Variants in PITPNC1 observed in about 807,000 individuals in gnomAD.
PITPNC1 encodes phosphatidylinositol transfer protein cytoplasmic 1.
PITPNC1 carries 18 observed loss-of-function variants against 44.7 expected under a neutral mutation model. That is an observed-to-expected ratio of 0.40 (90% CI 0.28 to 0.60). The LOEUF (loss-of-function observed/expected upper bound fraction) is 0.60, where lower values mean the gene tolerates loss of function less well. Among genes scored for constraint, PITPNC1 ranks in the 20% least tolerant of loss-of-function variants. PITPNC1 has a pLI of 0.39. For missense variants in PITPNC1, 290 were observed against 418.4 expected, an observed-to-expected ratio of 0.69 and a Z score of 2.68; for synonymous variants, 141 against 149.6, an observed-to-expected ratio of 0.94 and a Z score of 0.42.
At chr17:67,546,380 A>C (rs1324826788) in intron 2 of PITPNC1, among the ~76,000 whole-genome samples, 5 of 152,026 alleles carry the variant, frequency 3.3e-5, no homozygotes, top group Admixed American at 6.6e-5. Context: ...CCAACCTTTC[A>C]GTCCATGCTA....
At chr17:67,586,903 T>G (rs2041325751) in intron 5 of PITPNC1, among the ~76,000 whole-genome samples, 2 of 152,090 alleles carry the variant, frequency 1.3e-5, no homozygotes, top group South Asian at 4.1e-4. Flanking sequence ...CAGACCAAGA[T>G]GGTGGTTTGA....
chr17:67,456,100 C>T (rs926163075), intron 1 of PITPNC1, among the ~76,000 whole-genome samples: 15 of 152,160 alleles, frequency 9.9e-5, no homozygotes, highest in African/African-American at 3.1e-4. Context: ...GAAACTGGCT[C>T]AAAAACTTTA....
At chr17:67,426,808 C>G (rs2038773709) in intron 1 of PITPNC1, among the ~76,000 whole-genome samples, 1 of 151,726 alleles carries the variant, frequency 6.6e-6, no homozygotes, top group Admixed American at 6.6e-5. Flanking sequence ...TTTTTAAAAA[C>G]TTATTTAATT....
At chr17:67,577,072 G>A (rs533484383) in intron 4 of PITPNC1, among the ~76,000 whole-genome samples, 46 of 151,392 alleles carry the variant, frequency 3.0e-4, no homozygotes, top group Non-Finnish European at 5.7e-4. Flanking sequence ...GCATAAGGCC[G>A]GGAATTTGAG....
At chr17:67,685,423 T>A (rs1433713557) in intron 8 of PITPNC1, among the ~76,000 whole-genome samples, 1 of 152,218 alleles carries the variant, frequency 6.6e-6, no homozygotes, top group East Asian at 1.9e-4. Flanking sequence ...GTGAATTAAA[T>A]CATAAACTCC....
chr17:67,397,480 CTT>C (rs2038237524), intron 1 of PITPNC1, among the ~76,000 whole-genome samples: 1 of 152,182 alleles, frequency 6.6e-6, no homozygotes, highest in African/African-American at 2.4e-5. Flanking sequence ...CCACACCTCT[CTT>C]TTTGAGAAAA....
chr17:67,484,811 G>A (rs2949924), intron 1 of PITPNC1, among the ~76,000 whole-genome samples: 3,322 of 152,112 alleles, frequency 0.022, 119 homozygotes, highest in East Asian at 0.12. Context: ...GATGGTGTGT[G>A]CCTGTAATAT....
chr17:67,641,433 C>T (rs2042091222), intron 6 of PITPNC1, among the ~76,000 whole-genome samples: 1 of 152,172 alleles, frequency 6.6e-6, no homozygotes, highest in African/African-American at 2.4e-5. Flanking sequence ...CATTATTTCA[C>T]TAACCACATA....
chr17:67,415,055 T>G (rs987982250), intron 1 of PITPNC1, among the ~76,000 whole-genome samples: 1 of 152,094 alleles, frequency 6.6e-6, no homozygotes, highest in Non-Finnish European at 1.5e-5. Flanking sequence ...AATTTTTGTA[T>G]TTTTTGTGGA....
At chr17:67,476,486 T>C (rs2039631897) in intron 1 of PITPNC1, among the ~76,000 whole-genome samples, 1 of 152,058 alleles carries the variant, frequency 6.6e-6, no homozygotes, top group Admixed American at 6.6e-5. Context: ...ACGCCCGGCC[T>C]AGAGACTAAA....
intron 1 of PITPNC1, among the ~76,000 whole-genome samples, chr17:67,495,040 G>GTTGTT (rs2039926791): frequency 3.1e-5 from 2 of 64,704 alleles, no homozygotes; most frequent in Admixed American, 2.3e-4. Context: ...CCATGGAGTT[G>GTTGTT]TTTTTTTTTT....
intron 2 of PITPNC1, among the ~76,000 whole-genome samples, chr17:67,545,449 G>A (rs1372149293): frequency 6.6e-6 from 1 of 151,894 alleles, no homozygotes; most frequent in Non-Finnish European, 1.5e-5. Context: ...GTGGTGGCAT[G>A]CCTGTAGTCC....
chr17:67,649,529 A>G (rs546745147), intron 6 of PITPNC1, among the ~76,000 whole-genome samples: 1 of 150,228 alleles, frequency 6.7e-6, no homozygotes, highest in South Asian at 2.1e-4. Flanking sequence ...CAATTCAATT[A>G]GACACTGTCT....
chr17:67,412,941 A>G (rs2038526128), intron 1 of PITPNC1, among the ~76,000 whole-genome samples: 1 of 152,082 alleles, frequency 6.6e-6, no homozygotes, highest in South Asian at 2.1e-4. Context: ...GTTCTTATCG[A>G]TCATTTCCTT....
At chr17:67,681,589 A>T (rs1367406426) in intron 8 of PITPNC1, among the ~76,000 whole-genome samples, 1 of 134,850 alleles carries the variant, frequency 7.4e-6, no homozygotes, top group African/African-American at 2.7e-5. Flanking sequence ...AGCCTAGGTG[A>T]CAGAGCAAAA....
chr17:67,412,072 A>G (rs1275555843), intron 1 of PITPNC1, among the ~76,000 whole-genome samples: 1 of 152,208 alleles, frequency 6.6e-6, no homozygotes, highest in Non-Finnish European at 1.5e-5. Flanking sequence ...AGGCAAGTCA[A>G]CGAAATTTTC....
chr17:67,669,123 T>C (rs1387219160), intron 6 of PITPNC1, among the ~76,000 whole-genome samples: 2 of 152,210 alleles, frequency 1.3e-5, no homozygotes, highest in African/African-American at 4.8e-5. Flanking sequence ...TGTTTGTTTT[T>C]GAGATGGAGT....
At chr17:67,549,820 T>G (rs1036421275) in intron 2 of PITPNC1, among the ~76,000 whole-genome samples, 3 of 152,132 alleles carry the variant, frequency 2.0e-5, no homozygotes, top group African/African-American at 7.2e-5. Flanking sequence ...ACATATGCGC[T>G]TTGTCTAAGC....
At chr17:67,591,812 C>G (rs965425798) in intron 5 of PITPNC1, among the ~76,000 whole-genome samples, 3 of 152,022 alleles carry the variant, frequency 2.0e-5, no homozygotes, top group African/African-American at 7.2e-5. Flanking sequence ...TGGGCTGAAG[C>G]AATCCTCCCA....
Sources: allele counts gnomAD v4.1 joint callset (sites outside exome capture counted in the v4.1 genomes callset), GRCh38; gene constraint gnomAD v4.1.1; transcripts MANE v1.5; gene names NCBI Gene and HGNC (gene_info 2026-07-23, HGNC 2026-07-21).